ZNF266: variants seen among roughly 807,000 people sequenced by gnomAD.
The protein encoded by ZNF266 is zinc finger protein 266, also known as zinc finger protein 1.
Under a neutral mutation model 16.4 loss-of-function variants are expected in ZNF266, and 16 were observed. The observed-to-expected ratio is 0.98, with a 90% confidence interval of 0.66 to 1.48. ZNF266 has a LOEUF of 1.48. Ranked by LOEUF, ZNF266 falls within the 40% of genes most tolerant of loss-of-function variation. The pLI is 0.00. For synonymous variants in ZNF266, 262 were observed against 237.9 expected, an observed-to-expected ratio of 1.10 and a Z score of -0.93; for missense variants, 738 against 689.1, an observed-to-expected ratio of 1.07 and a Z score of -0.79.
At chr19:9,430,873 T>G (rs942214025) in intron 5 of ZNF266, among the ~76,000 whole-genome samples, 5 of 152,176 alleles carry the variant, frequency 3.3e-5, no homozygotes, top group African/African-American at 1.2e-4. Context: ...ACAGGTCCTC[T>G]CTGTCTCATT....
chr19:9,426,340 A>G (rs2123281087), intron 5 of ZNF266, among the ~76,000 whole-genome samples: 2 of 152,230 alleles, frequency 1.3e-5, no homozygotes, highest in Middle Eastern at 6.8e-3. Flanking sequence ...TTAGAAGAAA[A>G]AAATAGAGGG....
intron 9 of ZNF266, 49 bp from the exon 10 acceptor site, chr19:9,415,791 G>A: frequency 6.7e-7 from 1 of 1,482,430 alleles, no homozygotes; most frequent in Non-Finnish European, 9.4e-7. Flanking sequence ...AGGGTAGACA[G>A]ATGGAGCTGA....
chr19:9,414,257 T>A lies in ZNF266; in HGVS notation c.869A>T (p.Tyr290Phe). The change falls in exon 11 of 11, where the codon TAT becomes TTT. Residue 290 changes from tyrosine (Y) to phenylalanine (F), a missense_variant. Tyr to Phe is a conservative substitution (Grantham distance 22). Coordinates refer to ENST00000592904, the MANE Select transcript of ZNF266 (RefSeq NM_001370374.1). ...CATGTGAATATTAAGGTATGCAGAA[T>A]ATCTAAATCCTTTTCCACATTCCTT... ...KCKECGKGFR[Y>F]SAYLNIHMGT... 6.2e-7 allele frequency: 1 copy of A among 1,614,186 alleles called. No individual in the cohort carries two copies.
At chr19:9,429,606 TGACTC>T (rs2071284162) in intron 5 of ZNF266, among the ~76,000 whole-genome samples, 3 of 152,216 alleles carry the variant, frequency 2.0e-5, no homozygotes, top group African/African-American at 7.2e-5. Flanking sequence ...ATGGTGGAGA[TGACTC>T]CACCATTACA....
At chr19:9,423,821 C>A (rs60202069) in intron 5 of ZNF266, among the ~76,000 whole-genome samples, 2,593 of 152,170 alleles carry the variant, frequency 0.017, 68 homozygotes, top group African/African-American at 0.059. Context: ...CATGGTGAAA[C>A]CCCGTCTCTA....
At chr19:9,418,448 T>C in intron 8 of ZNF266, 57 bp downstream of exon 8, 8 of 1,574,148 alleles carry the variant, frequency 5.1e-6, no homozygotes, top group South Asian at 3.3e-5. Context: ...TGCAATACAG[T>C]AAGTACATAA....
chr19:9,414,604 C>T lies in ZNF266; in HGVS notation c.522G>A (p.Glu174=), dbSNP rs776701935. The T allele has an allele frequency of 1.8e-5, 29 of 1,612,464 alleles. No individual in the cohort carries two copies. The Middle Eastern group carries it at 4.9e-4, about 27-fold the overall frequency. ...GGAAGTCTACTCCATACAGATAACA[C>T]TCAAATGTGTTCTCACTATTTTGAG... ...VRTQNSENTF[E]CYLYGVDFLT... is the part of the protein sequence containing the mutation. Residue 174 remains glutamate (E), a synonymous_variant, in exon 11 of 11, where the codon GAG becomes GAA. Transcript: ENST00000592904.
chr19:9,418,889 A>G (rs748114185), intron 7 of ZNF266: 8 of 284,496 alleles, frequency 2.8e-5, no homozygotes, highest in Non-Finnish European at 4.7e-5. Flanking sequence ...CAGATGCTAG[A>G]TAAACACTGA....
intron 5 of ZNF266, among the ~76,000 whole-genome samples, chr19:9,420,977 T>C (rs925134528): frequency 6.6e-6 from 1 of 152,128 alleles, no homozygotes; most frequent in Admixed American, 6.5e-5. Context: ...ACATGTGTTA[T>C]TGAACACCCA....
chr19:9,419,022 C>A (rs1331831829), intron 7 of ZNF266, 195 bp downstream of exon 7: 2 of 161,100 alleles, frequency 1.2e-5, no homozygotes, highest in African/African-American at 4.8e-5. Flanking sequence ...TATTGAAATA[C>A]TGGGATGACA....
In ZNF266 at chr19:9,414,693, T is replaced by A. The variant is rs777125912; in HGVS notation, c.433A>T (p.Ser145Cys). The A allele has an allele frequency of 7.6e-6, 12 of 1,582,558 alleles. No individual in the cohort carries two copies. In the East Asian group the frequency reaches 2.3e-4, roughly 30 times the overall value. The part of the protein sequence containing the change: ...MIGSHNGGEV[S>C]DVKQCGDVSS... ...ACATCTCCACATTGCTTAACATCAC[T>A]GACCTCCCCTCCGTTGTGGCTTCCT... The change falls in exon 11 of 11, where the codon AGT (serine) becomes TGT (cysteine). Residue 145 changes from serine (S) to cysteine (C), a missense_variant. By Grantham distance (112) the Ser-to-Cys change is moderately radical (BLOSUM62 -1). Transcript: ENST00000592904.
chr19:9,435,075 G>A (rs2072267235), intron 2 of ZNF266, 33 bp downstream of exon 2: 1 of 152,160 alleles, frequency 6.6e-6, no homozygotes, highest in Non-Finnish European at 1.5e-5. Flanking sequence ...GGAGGAAGAA[G>A]CCCCCGAAAC....
chr19:9,430,253 C>T (rs1054481458), intron 5 of ZNF266, among the ~76,000 whole-genome samples: 26 of 152,146 alleles, frequency 1.7e-4, no homozygotes, highest in Non-Finnish European at 2.4e-4. Flanking sequence ...TCTGTAAGTA[C>T]GCTTCCTGTA....
chr19:9,428,838 T>G (rs1006954048), intron 5 of ZNF266, among the ~76,000 whole-genome samples: 1 of 152,204 alleles, frequency 6.6e-6, no homozygotes, highest in African/African-American at 2.4e-5. Context: ...ACACTACTTA[T>G]TCCCTTCAGA....
At chr19:9,429,658 C>A (rs1033098572) in intron 5 of ZNF266, among the ~76,000 whole-genome samples, 2 of 152,200 alleles carry the variant, frequency 1.3e-5, no homozygotes, top group African/African-American at 4.8e-5. Flanking sequence ...TGGACTGCCT[C>A]TCCTAAAACA....
At position 9,413,281 on chromosome 19, in the gene ZNF266, T is replaced by C. The variant is rs201191930; in HGVS notation, c.1845A>G (p.Ser615=). 6.0e-4 allele frequency: 955 copies of C among 1,579,286 alleles called. No individual in the cohort carries two copies. Among genetic ancestry groups the C allele is most frequent in the Non-Finnish European group, 7.6e-4 (885 of 1,163,074 alleles). ...HERRHADERL[S]A ...TTAGGTTTTCCCACATTCCTTATGCTGACAGTCTCTCATCCGCATGCCTTC... is the reference window on the plus strand; with the variant it reads ...TTAGGTTTTCCCACATTCCTTATGCCGACAGTCTCTCATCCGCATGCCTTC... The change falls in exon 11 of 11, where the codon TCA becomes TCG. Residue 615 remains serine (S), a synonymous_variant. Coordinates refer to ENST00000592904, the MANE Select transcript of ZNF266 (RefSeq NM_001370374.1).
rs74351326 is a variant in ZNF266 at position 9,414,321 on chromosome 19, G to A, written c.805C>T (p.Arg269Cys). 5.6e-4 allele frequency: 897 copies of A among 1,613,912 alleles called. 12 individuals are homozygous for A. The East Asian group carries it at 0.019, about 34-fold the overall frequency. ...GFIHSTDLAV[R>C]IQTHRSEKPY... ...TTTTCTGACCTGTGAGTTTGTATACGCACAGCAAGGTCTGTGGAGTGAATA... is the reference window on the plus strand; with the variant it reads ...TTTTCTGACCTGTGAGTTTGTATACACACAGCAAGGTCTGTGGAGTGAATA... The change falls in exon 11 of 11, where the codon CGT becomes TGT. Residue 269 changes from arginine to cysteine, a missense_variant. Coordinates refer to ENST00000592904, the MANE Select transcript of ZNF266 (RefSeq NM_001370374.1).
intron 5 of ZNF266, among the ~76,000 whole-genome samples, chr19:9,423,897 T>C (rs1198160459): frequency 1.3e-5 from 2 of 152,144 alleles, no homozygotes; most frequent in African/African-American, 2.4e-5. Flanking sequence ...CTTGGAAAGC[T>C]GAGGCAGGAG....
chr19:9,414,198 T>A lies in ZNF266; in HGVS notation c.928A>T (p.Lys310Ter). The change falls in exon 11 of 11, where the codon AAG becomes TAG. Residue 310 changes from lysine to a stop codon, truncating the protein, a stop_gained. Transcript: ENST00000592904. LOFTEE classifies it low-confidence loss of function (END_TRUNC). ...THTGDNPYEC[K>*]ECGKAFTRSC... is the part of the protein sequence containing the mutation. ...CTGGTGAAGGCTTTCCCACACTCCT[T>A]ACACTCATAGGGATTGTCTCCAGTG... 1 of 1,614,204 alleles carries A rather than the reference T, an allele frequency of 6.2e-7. No individual in the cohort carries two copies.
Sources: allele counts gnomAD v4.1 joint callset (sites outside exome capture counted in the v4.1 genomes callset), GRCh38; gene constraint gnomAD v4.1.1; transcripts MANE v1.5; gene names NCBI Gene and HGNC (gene_info 2026-07-23, HGNC 2026-07-21).